The following CDH20 variants were observed in gnomAD, a reference collection of about 807,000 sequenced individuals.
CDH20 encodes cadherin 20.
A neutral mutation model predicts 74.2 loss-of-function variants in CDH20; 29 were observed. That is an observed-to-expected ratio of 0.39 (90% CI 0.29 to 0.53). The LOEUF is 0.53. Ranked by LOEUF, CDH20 falls within the 20% of genes least tolerant of loss-of-function variation. The pLI is 0.69. For synonymous variants in CDH20, 469 were observed against 405.4 expected (o/e 1.16, Z -1.88); for missense variants, 988 against 1,048.3 (o/e 0.94, Z 0.79).
chr18:61,515,456 G>C (rs989339602), intron 6 of CDH20, among the ~76,000 whole-genome samples: 63 of 152,176 alleles, frequency 4.1e-4, no homozygotes, highest in African/African-American at 1.5e-3. Context: ...GAAATCACCC[G>C]TCTTCTGCGT....
intron 7 of CDH20, among the ~76,000 whole-genome samples, chr18:61,532,920 A>G (rs1242292528): frequency 6.6e-6 from 1 of 152,202 alleles, no homozygotes; most frequent in African/African-American, 2.4e-5. Flanking sequence ...AATCAAACAC[A>G]GTAGTTATAA....
At chr18:61,389,550 TC>T (rs1169240409) in intron 1 of CDH20, among the ~76,000 whole-genome samples, 4 of 152,322 alleles carry the variant, frequency 2.6e-5, no homozygotes, top group African/African-American at 9.6e-5. Flanking sequence ...GTCATATATG[TC>T]CCAGACATTG....
At chr18:61,442,803 A>G (rs1232114710) in intron 1 of CDH20, among the ~76,000 whole-genome samples, 1 of 152,178 alleles carries the variant, frequency 6.6e-6, no homozygotes, top group Non-Finnish European at 1.5e-5. Flanking sequence ...TCTCTTGGGA[A>G]GGTTAGCAGT....
chr18:61,453,515 G>A (rs921903565), intron 1 of CDH20, among the ~76,000 whole-genome samples: 13 of 152,118 alleles, frequency 8.5e-5, no homozygotes, highest in Admixed American at 2.0e-4. Context: ...TCCTGACCTC[G>A]TGATCCGCCT....
At chr18:61,525,419 T>C (rs1049500107) in intron 6 of CDH20, among the ~76,000 whole-genome samples, 4 of 152,142 alleles carry the variant, frequency 2.6e-5, no homozygotes, top group Non-Finnish European at 5.9e-5. Flanking sequence ...AGCGTATAAA[T>C]GTAATTTACC....
chr18:61,423,621 C>T (rs963777277), intron 1 of CDH20, among the ~76,000 whole-genome samples: 1 of 151,812 alleles, frequency 6.6e-6, no homozygotes, highest in African/African-American at 2.4e-5. Context: ...CATTTTATAA[C>T]ATCTAGCAGT....
At chr18:61,507,320 A>T in intron 5 of CDH20, 53 bp from the exon 6 acceptor site, 1 of 1,547,858 alleles carries the variant, frequency 6.5e-7, no homozygotes, top group East Asian at 2.3e-5. Flanking sequence ...ATGATGAGGC[A>T]TTTTTTATAG....
rs1033484718 is a variant in CDH20 at position 61,490,545 on chromosome 18, G to A, written c.-9G>A. ...ATTCTCCTTCATTTTCTGAAAACCT[G>A]GCAATCCCATGTGGACTTCTGGTAG... On this transcript the variant is annotated 5_prime_UTR_variant, in exon 2 of 12. Transcript: ENST00000262717. 2 of 1,610,090 alleles carry A rather than the reference G, an allele frequency of 1.2e-6. No homozygotes were observed. The highest frequency in any genetic ancestry group is 2.7e-5 in the African/African-American group (2 of 74,958).
chr18:61,399,785 A>G (rs1352113503), intron 1 of CDH20, among the ~76,000 whole-genome samples: 1 of 152,224 alleles, frequency 6.6e-6, no homozygotes, highest in East Asian at 1.9e-4. Context: ...AACAAATTGC[A>G]TACTTTGGTT....
rs548941095 is a variant in CDH20, at chr18:61,366,472, G to A, written c.-153+32645G>A. Among the ~76,000 whole-genome samples the A allele has an allele frequency of 9.3e-4, 142 of 152,166 alleles. 2 individuals are homozygous for A. The highest frequency in any genetic ancestry group is 3.4e-3 in the Middle Eastern group (1 of 294). ...TATGAATATGGTATTATATCTCCAA[G>A]ATATACACTAAAGAACTGGACATTA... On this transcript the variant is annotated intron_variant, in intron 1 of 11. Coordinates refer to ENST00000262717, the MANE Select transcript of CDH20 (RefSeq NM_031891.4).
At chr18:61,365,447 A>C (rs1470581032) in intron 1 of CDH20, among the ~76,000 whole-genome samples, 1 of 152,186 alleles carries the variant, frequency 6.6e-6, no homozygotes, top group Non-Finnish European at 1.5e-5. Context: ...TAAAGCAGAT[A>C]ATCACACTTT....
intron 1 of CDH20, among the ~76,000 whole-genome samples, chr18:61,363,851 A>G (rs576653791): frequency 6.6e-6 from 1 of 152,204 alleles, no homozygotes; most frequent in Non-Finnish European, 1.5e-5. Context: ...CATGGTGTGT[A>G]ACTTTATGAC....
At chr18:61,364,804 C>A (rs1207055891) in intron 1 of CDH20, among the ~76,000 whole-genome samples, 2 of 152,192 alleles carry the variant, frequency 1.3e-5, no homozygotes, top group African/African-American at 4.8e-5. Flanking sequence ...AGCCAAATAA[C>A]CCTTTTTCTT....
intron 6 of CDH20, among the ~76,000 whole-genome samples, chr18:61,526,061 T>C (rs1204565997): frequency 1.4e-5 from 2 of 138,012 alleles, no homozygotes; most frequent in East Asian, 2.3e-4. Flanking sequence ...TTCTCCCACC[T>C]CAGCTTCCTA....
At chr18:61,369,967 G>A (rs1910979122) in intron 1 of CDH20, among the ~76,000 whole-genome samples, 1 of 152,004 alleles carries the variant, frequency 6.6e-6, no homozygotes, top group South Asian at 2.1e-4. Context: ...ATGGGTACCA[G>A]GCTTAATACT....
intron 1 of CDH20, among the ~76,000 whole-genome samples, chr18:61,456,308 C>A (rs1160746824): frequency 1.3e-5 from 2 of 152,178 alleles, no homozygotes; most frequent in African/African-American, 4.8e-5. Context: ...ATGTTCTCTA[C>A]ATGATTTGGG....
intron 1 of CDH20, among the ~76,000 whole-genome samples, chr18:61,411,476 T>A (rs1217640748): frequency 6.6e-6 from 1 of 152,062 alleles, no homozygotes; most frequent in Admixed American, 6.5e-5. Context: ...ACAGCACAAT[T>A]CGCAATTGCA....
intron 1 of CDH20, among the ~76,000 whole-genome samples, chr18:61,433,387 CT>C (rs1217094146): frequency 6.6e-6 from 1 of 151,902 alleles, no homozygotes; most frequent in Non-Finnish European, 1.5e-5. Context: ...TTTGTATTGC[CT>C]TTTTTATTTG....
At chr18:61,389,282 C>A (rs1911696905) in intron 1 of CDH20, among the ~76,000 whole-genome samples, 1 of 152,120 alleles carries the variant, frequency 6.6e-6, no homozygotes, top group South Asian at 2.1e-4. Context: ...AAGTAAAACC[C>A]AGAGAAGCTA....
Sources: allele counts gnomAD v4.1 joint callset (sites outside exome capture counted in the v4.1 genomes callset), GRCh38; gene constraint gnomAD v4.1.1; transcripts MANE v1.5; gene names NCBI Gene and HGNC (gene_info 2026-07-23, HGNC 2026-07-21).